RFX2: variants seen among roughly 807,000 people sequenced by gnomAD.
RFX2 encodes DNA-binding protein RFX2.
A neutral mutation model predicts 87.8 loss-of-function variants in RFX2; 20 were observed. That is an observed-to-expected ratio of 0.23 (90% CI 0.16 to 0.33). The LOEUF (loss-of-function observed/expected upper bound fraction) is 0.33. RFX2 is among the 10% of genes least tolerant of loss of function. The probability of loss-of-function intolerance (pLI) is 1.00; values close to 1 mark genes in which losing one functional copy is unlikely to be tolerated. For missense variants in RFX2, 767 were observed against 1,012.3 expected (o/e 0.76, Z 3.29); for synonymous variants, 397 against 431.3 (o/e 0.92, Z 0.98).
chr19:6,103,979 G>A (rs1276870548), intron 1 of RFX2, among the ~76,000 whole-genome samples: 2 of 152,098 alleles, frequency 1.3e-5, no homozygotes, highest in African/African-American at 4.8e-5. Flanking sequence ...CAGCCCCTGT[G>A]CTAAATAGCT....
intron 1 of RFX2, among the ~76,000 whole-genome samples, chr19:6,071,213 C>T (rs1259881395): frequency 1.3e-5 from 2 of 152,138 alleles, no homozygotes; most frequent in Non-Finnish European, 2.9e-5. Flanking sequence ...AAGTCATGCT[C>T]GAATTATGCA....
chr19:6,104,307 C>T (rs151060679), intron 1 of RFX2, among the ~76,000 whole-genome samples: 5 of 152,166 alleles, frequency 3.3e-5, no homozygotes, highest in South Asian at 2.1e-4. Flanking sequence ...CGGTGGTTCA[C>T]GCCTGTAATC....
At position 5,998,860 on chromosome 19, in the gene RFX2, GC is replaced by G. The variant is rs1462562101; in HGVS notation, c.1860-1648del. Among the ~76,000 whole-genome samples the G allele has an allele frequency of 1.3e-5, 2 of 152,264 alleles. No homozygotes were observed. Among genetic ancestry groups the G allele is most frequent in the Non-Finnish European group, 2.9e-5 (2 of 68,054 alleles). On this transcript the variant is annotated intron_variant, in intron 15 of 17. Transcript: ENST00000303657. The surrounding 1 kb of genome is among the most constrained non-coding windows in gnomAD (Gnocchi z 4.2). ...CCCAGCCAGAGCTTGGGGATGACCA[GC>G]CAAGGCCTCAGTCCACATGCTACCA...
At chr19:6,014,815 CAG>C (rs1331182656) in intron 7 of RFX2, among the ~76,000 whole-genome samples, 5 of 152,164 alleles carry the variant, frequency 3.3e-5, no homozygotes, top group Non-Finnish European at 4.4e-5. Flanking sequence ...GAAAAAGTGT[CAG>C]AGAATAAGGG....
chr19:6,057,949 C>G (rs759863264), intron 1 of RFX2, among the ~76,000 whole-genome samples: 13 of 152,298 alleles, frequency 8.5e-5, no homozygotes, highest in Non-Finnish European at 1.9e-4. Context: ...CTTGTGTGGC[C>G]TGGCCCCACG....
intron 3 of RFX2, among the ~76,000 whole-genome samples, chr19:6,043,322 C>T (rs971832271): frequency 5.9e-5 from 9 of 152,220 alleles, no homozygotes; most frequent in African/African-American, 2.2e-4. Flanking sequence ...CCTTTTCCTT[C>T]CTGTGATCCT....
At chr19:6,057,640 C>T (rs113625471) in intron 1 of RFX2, among the ~76,000 whole-genome samples, 3,470 of 152,274 alleles carry the variant, frequency 0.023, 139 homozygotes, top group African/African-American at 0.079. Flanking sequence ...TGGCCTCCTC[C>T]GGCCATCAGC....
At chr19:6,003,138 C>T (rs952763408) in intron 13 of RFX2, among the ~76,000 whole-genome samples, 2 of 152,204 alleles carry the variant, frequency 1.3e-5, no homozygotes, top group Non-Finnish European at 2.9e-5. Flanking sequence ...GCCATGCCCA[C>T]TTCTAGAGTC....
chr19:6,019,509 A>AGTGT (rs1363381067), intron 6 of RFX2, among the ~76,000 whole-genome samples: 7 of 69,910 alleles, frequency 1.0e-4, no homozygotes, highest in African/African-American at 3.4e-4. Flanking sequence ...TTAGTGTGTG[A>AGTGT]GTATGTGTGT....
intron 1 of RFX2, among the ~76,000 whole-genome samples, chr19:6,080,454 C>A (rs1318112943): frequency 6.6e-6 from 1 of 152,114 alleles, no homozygotes; most frequent in Non-Finnish European, 1.5e-5. Flanking sequence ...CCTTGTCAGG[C>A]AAGAATACAC....
chr19:6,003,901 T>C (rs1346581940), intron 13 of RFX2, among the ~76,000 whole-genome samples: 1 of 151,848 alleles, frequency 6.6e-6, no homozygotes, highest in African/African-American at 2.4e-5. Context: ...TGGCCAAGAT[T>C]GCAGCAATAA....
At chr19:6,060,770 CT>C (rs1313186019) in intron 1 of RFX2, among the ~76,000 whole-genome samples, 2 of 152,158 alleles carry the variant, frequency 1.3e-5, no homozygotes, top group East Asian at 3.9e-4. Flanking sequence ...ATTTTTCCCC[CT>C]AATGATACCT....
rs1240227435 is a variant in RFX2 at position 6,045,782 on chromosome 19, C to T, written c.91-1500G>A. The stretch of plus-strand genomic sequence containing the variant: ...TGCCTCCTGGGTTCAAGCGATTCTC[C>T]TGCCTCAGCTTCCCGAGTAGCTGGG... On this transcript the variant is annotated intron_variant, in intron 2 of 17. Coordinates refer to ENST00000303657, the MANE Select transcript of RFX2 (RefSeq NM_000635.4). This position sits in a 1 kb window ranked among gnomAD's most constrained non-coding sequence, Gnocchi z 5.2. 6.6e-6 allele frequency among the ~76,000 whole-genome samples: 1 copy of T among 152,160 alleles called. No individual in the cohort carries two copies. Among genetic ancestry groups the T allele is most frequent in the South Asian group, 2.1e-4 (1 of 4,822 alleles).
rs1327897844 is a variant in RFX2, at chr19:6,110,033, GGGAGTTTGA to G, written c.-9+351_-9+359del. Reference sequence around the variant, plus strand: ...AGGGTCCCCAAGCGCCCCCAATTCAGGGAGTTTGAGGAGTTTGAGAGACGTTCCCGGGGC... The same window carrying G: ...AGGGTCCCCAAGCGCCCCCAATTCAGGGAGTTTGAGAGACGTTCCCGGGGC... On this transcript the variant is annotated intron_variant, in intron 1 of 17. Transcript: ENST00000303657. This position sits in a 1 kb window ranked among gnomAD's most constrained non-coding sequence, Gnocchi z 4.3. Among the ~76,000 whole-genome samples the G allele has an allele frequency of 2.0e-5, 3 of 151,628 alleles. No homozygotes were observed. In the East Asian group the frequency reaches 5.9e-4, roughly 30 times the overall value.
chr19:6,006,989 G>C (rs772038980), intron 12 of RFX2, 23 bp downstream of exon 12: 1 of 1,612,396 alleles, frequency 6.2e-7, no homozygotes, highest in East Asian at 2.2e-5. Context: ...GAGCAGCGCC[G>C]GGCGGGGCCG....
At chr19:6,057,959 G>A (rs959148766) in intron 1 of RFX2, among the ~76,000 whole-genome samples, 1 of 152,166 alleles carries the variant, frequency 6.6e-6, no homozygotes, top group Admixed American at 6.5e-5. Context: ...CTGGCCCCAC[G>A]CACAGGGAGG....
At position 6,004,895 on chromosome 19, in the gene RFX2, G is replaced by A. The variant is rs1034409940; in HGVS notation, c.1403-597C>T. 4.6e-5 allele frequency among the ~76,000 whole-genome samples: 7 copies of A among 152,022 alleles called. 1 individual carries two copies. The East Asian group carries it at 1.4e-3, about 29-fold the overall frequency. On this transcript the variant is annotated intron_variant, in intron 12 of 17. Coordinates refer to ENST00000303657, the MANE Select transcript of RFX2 (RefSeq NM_000635.4). This position sits in a 1 kb window ranked among gnomAD's most constrained non-coding sequence, Gnocchi z 4.8. ...GCACTTTGGGAGGCCGAGGTGGGCG[G>A]ATCACCTGAGGTCCGGAGTTCGAGA...
chr19:6,085,558 G>C (rs530912120), intron 1 of RFX2, among the ~76,000 whole-genome samples: 31 of 152,210 alleles, frequency 2.0e-4, no homozygotes, highest in African/African-American at 7.2e-4. Flanking sequence ...TCCATTCCTT[G>C]GGTTGTCTTT....
rs778372199 is a variant in RFX2, at chr19:6,083,822, T to C, written c.-9+26571A>G. ...CTTGGATGGCCTTTGGGGGAACATG[T>C]CTTACTCATAATTATAGGCAGCGGA... On this transcript the variant is annotated intron_variant, in intron 1 of 17. Transcript: ENST00000303657. The surrounding 1 kb of genome is among the most constrained non-coding windows in gnomAD (Gnocchi z 4.6). Among the ~76,000 whole-genome samples the C allele has an allele frequency of 2.3e-4, 35 of 152,136 alleles. No homozygotes were observed. The highest frequency in any genetic ancestry group is 5.1e-4 in the Non-Finnish European group (35 of 68,022).
Sources: allele counts gnomAD v4.1 joint callset (sites outside exome capture counted in the v4.1 genomes callset), GRCh38; gene constraint gnomAD v4.1.1; non-coding constraint Gnocchi (gnomAD v3.1); transcripts MANE v1.5; gene names NCBI Gene and HGNC (gene_info 2026-07-23, HGNC 2026-07-21).